The following AGBL1 variants were observed in gnomAD, a reference collection of about 807,000 sequenced individuals.
The protein encoded by AGBL1 is AGBL carboxypeptidase 1, also known as cytosolic carboxypeptidase 4.
A neutral mutation model predicts 118.9 loss-of-function variants in AGBL1; 130 were observed. The observed-to-expected ratio is 1.09, with a 90% CI of 0.95 to 1.26. The LOEUF (loss-of-function observed/expected upper bound fraction) is 1.26. Among genes scored for constraint, AGBL1 ranks in the 50% most tolerant of loss-of-function variants. The pLI is 0.00. For missense variants in AGBL1, 1,584 were observed against 1,298.1 expected, an observed-to-expected ratio of 1.22 and a Z score of -3.38; for synonymous variants, 555 against 478.9, an observed-to-expected ratio of 1.16 and a Z score of -2.08.
rs1367892216 is a variant in AGBL1 at position 86,158,865 on chromosome 15, A to G, written c.395-68A>G. ...GCCCCTTAAAGATTTAAAGGAGTCA[A>G]TCCAAGTTGTCTTGAGCCTTAACTC... On this transcript the variant is annotated intron_variant, in intron 4 of 22. Transcript: ENST00000614907. 2.1e-5 allele frequency: 30 copies of G among 1,412,118 alleles called. 1 individual carries two copies. Among genetic ancestry groups the G allele is most frequent in the African/African-American group, 1.3e-4 (9 of 70,682 alleles). The allele number at this position is 1,412,118 out of a possible 1,614,324, so 87.5% of individuals were successfully genotyped here.
intron 24 of AGBL1, among the ~76,000 whole-genome samples, chr15:87,006,794 C>T (rs2081509491): frequency 6.6e-6 from 1 of 152,156 alleles, no homozygotes; most frequent in African/African-American, 2.4e-5. Context: ...TAGACTGGAG[C>T]TGTTGCTATT....
chr15:86,427,235 A>G (rs2081878019), intron 18 of AGBL1, among the ~76,000 whole-genome samples: 1 of 152,248 alleles, frequency 6.6e-6, no homozygotes, highest in Non-Finnish European at 1.5e-5. Flanking sequence ...TTGTGAAATG[A>G]AATTATAAAA....
At chr15:86,212,005 C>A (rs1306407594) in intron 5 of AGBL1, among the ~76,000 whole-genome samples, 1 of 152,122 alleles carries the variant, frequency 6.6e-6, no homozygotes, top group Non-Finnish European at 1.5e-5. Context: ...GAGTTGTCTC[C>A]TGGAATTCTT....
chr15:86,524,230 C>G (rs949384279), intron 19 of AGBL1, among the ~76,000 whole-genome samples: 2 of 152,182 alleles, frequency 1.3e-5, no homozygotes, highest in African/African-American at 4.8e-5. Flanking sequence ...GCAACATAGC[C>G]TCTCTTCATT....
chr15:86,537,413 A>C (rs2083441347), intron 19 of AGBL1, among the ~76,000 whole-genome samples: 1 of 152,208 alleles, frequency 6.6e-6, no homozygotes. Context: ...TTGTGTAGAA[A>C]GGTGACATCC....
Position 86,294,929 on chromosome 15 carries a change from T to C in AGBL1, c.2221-326T>C, listed in dbSNP as rs2079608247. The stretch of plus-strand genomic sequence containing the variant: ...CCCCATCCCCTGACCCTTCCGAGTC[T>C]CCATTTTCTGTGATTTCCTCGTATG... On this transcript the variant is annotated intron_variant, in intron 16 of 22. Coordinates refer to ENST00000614907, the MANE Select transcript of AGBL1 (RefSeq NM_001386094.1). Among the ~76,000 whole-genome samples the C allele has an allele frequency of 1.3e-5, 2 of 152,124 alleles. 1 individual carries two copies. Among genetic ancestry groups the C allele is most frequent in the Admixed American group, 1.3e-4 (2 of 15,266 alleles).
intron 6 of AGBL1, among the ~76,000 whole-genome samples, chr15:86,246,981 T>C (rs1259993826): frequency 6.6e-6 from 1 of 152,200 alleles, no homozygotes; most frequent in Non-Finnish European, 1.5e-5. Flanking sequence ...TCCCACACTA[T>C]TATTATTATG....
chr15:86,094,996 C>T (rs923700688), intron 1 of AGBL1, among the ~76,000 whole-genome samples: 7 of 152,160 alleles, frequency 4.6e-5, no homozygotes, highest in African/African-American at 1.4e-4. Flanking sequence ...TCCCACAGCT[C>T]CGTCTTCAGG....
chr15:86,181,039 A>G (rs915907556), intron 5 of AGBL1, among the ~76,000 whole-genome samples: 2 of 152,126 alleles, frequency 1.3e-5, no homozygotes. Flanking sequence ...AAAGAAGAAC[A>G]CCAACACTCA....
At chr15:86,245,887 ATTTCTTTC>A (rs942178484) in intron 6 of AGBL1, among the ~76,000 whole-genome samples, 16 of 151,534 alleles carry the variant, frequency 1.1e-4, no homozygotes, top group Admixed American at 9.9e-4. Flanking sequence ...GTGTATTTTA[ATTTCTTTC>A]TTTCTTTCTT....
At chr15:86,125,146 C>T (rs1420128439) in intron 1 of AGBL1, among the ~76,000 whole-genome samples, 1 of 152,058 alleles carries the variant, frequency 6.6e-6, no homozygotes, top group Non-Finnish European at 1.5e-5. Context: ...GGTTGACTTC[C>T]TTGAAGAAAA....
At chr15:87,024,284 TAAAAC>T (rs1316160745) in intron 24 of AGBL1, among the ~76,000 whole-genome samples, 5 of 151,648 alleles carry the variant, frequency 3.3e-5, no homozygotes, top group Admixed American at 2.6e-4. Flanking sequence ...CAATAAGAAA[TAAAAC>T]AGGAGATATT....
intron 24 of AGBL1, among the ~76,000 whole-genome samples, chr15:87,006,789 T>G (rs2081509362): frequency 6.6e-6 from 1 of 152,182 alleles, no homozygotes; most frequent in Non-Finnish European, 1.5e-5. Flanking sequence ...AGCTGTAGAC[T>G]GGAGCTGTTG....
At chr15:86,935,914 T>A (rs2080668018) in intron 23 of AGBL1, among the ~76,000 whole-genome samples, 1 of 152,234 alleles carries the variant, frequency 6.6e-6, no homozygotes, top group South Asian at 2.1e-4. Flanking sequence ...TCACTTAGTT[T>A]ACAAATAAAA....
At chr15:86,780,791 C>A in intron 22 of AGBL1, among the ~76,000 whole-genome samples, 1 of 151,852 alleles carries the variant, frequency 6.6e-6, no homozygotes, top group East Asian at 1.9e-4. Context: ...AGTCTCAATC[C>A]CGAGTAGCTG....
At chr15:86,439,936 G>A (rs763167591) in intron 18 of AGBL1, among the ~76,000 whole-genome samples, 2 of 152,148 alleles carry the variant, frequency 1.3e-5, no homozygotes, top group Non-Finnish European at 2.9e-5. Flanking sequence ...GAGGGTTCCT[G>A]AAGTGGCCTT....
At chr15:86,492,382 G>C (rs187259545) in intron 18 of AGBL1, among the ~76,000 whole-genome samples, 5 of 152,036 alleles carry the variant, frequency 3.3e-5, no homozygotes, top group African/African-American at 7.2e-5. Context: ...TTGAGGTCAG[G>C]AGTTCAAGAC....
In AGBL1 at chr15:86,550,251, A is replaced by G. The variant is rs536798121; in HGVS notation, c.2818-4110A>G. Among the ~76,000 whole-genome samples, 13 of 152,302 alleles carry G rather than the reference A, an allele frequency of 8.5e-5. No individual in the cohort carries two copies. In the East Asian group the frequency reaches 2.1e-3, roughly 25 times the overall value. On this transcript the variant is annotated intron_variant, in intron 20 of 22. Coordinates refer to ENST00000614907, the MANE Select transcript of AGBL1 (RefSeq NM_001386094.1). ...ACATATATGAGACATATAGAATCAA[A>G]CAACAAAATGGCAAATGTAAATCCA...
intron 18 of AGBL1, among the ~76,000 whole-genome samples, chr15:86,440,308 GA>G (rs1222599941): frequency 1.3e-5 from 2 of 151,964 alleles, no homozygotes; most frequent in African/African-American, 4.8e-5. Context: ...AAATGCTTAA[GA>G]ATACATAATC....
Sources: gnomAD v4.1 joint callset for allele counts (sites outside exome capture counted in the v4.1 genomes callset) on GRCh38, gnomAD v4.1.1 for gene constraint, MANE v1.5 for transcripts, NCBI Gene and HGNC (gene_info 2026-07-23, HGNC 2026-07-21) for gene names.